Variants in PDE4D observed in about 807,000 individuals in gnomAD.
PDE4D encodes 3',5'-cyclic-AMP phosphodiesterase 4D.
In PDE4D, 24 loss-of-function variants were observed where a neutral mutation model predicts 87.4. The observed-to-expected ratio is 0.27, with a 90% confidence interval of 0.20 to 0.39. The LOEUF (loss-of-function observed/expected upper bound fraction) is 0.39. Among genes scored for constraint, PDE4D ranks in the 10% least tolerant of loss-of-function variants. PDE4D has a pLI of 1.00. For synonymous variants in PDE4D, 384 were observed against 383.2 expected (o/e 1.00, Z -0.02); for missense variants, 714 against 1,041.0 (o/e 0.69, Z 4.32).
intron 3 of PDE4D, among the ~76,000 whole-genome samples, chr5:59,186,899 G>A (rs1743046725): frequency 6.6e-6 from 1 of 152,154 alleles, no homozygotes. Flanking sequence ...CTTGAATGAT[G>A]CAGAAGTAAA....
intron 1 of PDE4D, among the ~76,000 whole-genome samples, chr5:60,387,206 A>G (rs1180638959): frequency 6.6e-6 from 1 of 152,262 alleles, no homozygotes; most frequent in Admixed American, 6.5e-5. Flanking sequence ...CGTCCTGCTC[A>G]TAAGTCAGGT....
intron 2 of PDE4D, among the ~76,000 whole-genome samples, chr5:60,181,892 C>G (rs754046287): frequency 6.6e-6 from 1 of 152,056 alleles, no homozygotes; most frequent in Non-Finnish European, 1.5e-5. Context: ...TACTTTAACT[C>G]CTGATTTTAA....
At chr5:59,537,213 A>G (rs1583030182) in intron 1 of PDE4D, among the ~76,000 whole-genome samples, 1 of 152,328 alleles carries the variant, frequency 6.6e-6, no homozygotes, top group East Asian at 1.9e-4. Flanking sequence ...CCATAAAACA[A>G]GCTTTGACAG....
chr5:59,165,676 T>C (rs147809614), intron 5 of PDE4D, among the ~76,000 whole-genome samples: 15 of 152,308 alleles, frequency 9.8e-5, no homozygotes, highest in African/African-American at 3.4e-4. Flanking sequence ...CTCTGGAAGG[T>C]TAAATGAATT....
chr5:59,449,181 C>T (rs1479256551), intron 1 of PDE4D, among the ~76,000 whole-genome samples: 5 of 152,212 alleles, frequency 3.3e-5, no homozygotes, highest in Admixed American at 3.3e-4. Flanking sequence ...CCAGCATCTT[C>T]CTGAGTTACC....
At chr5:59,477,888 G>T (rs1221038201) in intron 1 of PDE4D, among the ~76,000 whole-genome samples, 1 of 152,086 alleles carries the variant, frequency 6.6e-6, no homozygotes, top group Non-Finnish European at 1.5e-5. Flanking sequence ...CATGTCCTCT[G>T]CAGCAACATG....
chr5:60,457,432 T>C (rs1227284124), intron 1 of PDE4D, among the ~76,000 whole-genome samples: 2 of 152,200 alleles, frequency 1.3e-5, no homozygotes, highest in East Asian at 1.9e-4. Context: ...TGCTTCCTCA[T>C]GTTTCCTGTC....
intron 1 of PDE4D, among the ~76,000 whole-genome samples, chr5:59,814,366 T>C (rs1475826950): frequency 1.3e-5 from 2 of 152,180 alleles, no homozygotes; most frequent in Non-Finnish European, 2.9e-5. Context: ...GGCTGACCCC[T>C]GCATGCTATC....
intron 1 of PDE4D, among the ~76,000 whole-genome samples, chr5:59,270,967 T>C (rs914264553): frequency 7.9e-5 from 12 of 152,204 alleles, no homozygotes; most frequent in Non-Finnish European, 1.6e-4. Context: ...ATAATATATA[T>C]GTAAAATTCT....
intron 1 of PDE4D, among the ~76,000 whole-genome samples, chr5:60,459,332 C>G (rs2150168018): frequency 6.6e-6 from 1 of 152,204 alleles, no homozygotes; most frequent in South Asian, 2.1e-4. Context: ...CTTAACCTAC[C>G]CAAACATCTC....
At chr5:60,345,693 T>A (rs1758697870) in intron 1 of PDE4D, among the ~76,000 whole-genome samples, 1 of 152,074 alleles carries the variant, frequency 6.6e-6, no homozygotes, top group Non-Finnish European at 1.5e-5. Flanking sequence ...TATTTATACC[T>A]CTACTTGAAT....
intron 1 of PDE4D, among the ~76,000 whole-genome samples, chr5:59,730,091 T>C (rs1437519685): frequency 3.3e-5 from 5 of 152,050 alleles, no homozygotes; most frequent in African/African-American, 1.2e-4. Flanking sequence ...ATACTTAGGG[T>C]GAACCTTGCT....
intron 3 of PDE4D, among the ~76,000 whole-genome samples, chr5:59,908,189 C>T (rs1344796644): frequency 2.0e-5 from 3 of 151,968 alleles, no homozygotes; most frequent in Admixed American, 1.3e-4. Flanking sequence ...ATTTCCAGTT[C>T]CTAATTTGAG....
chr5:59,634,852 C>T (rs112278884), intron 1 of PDE4D, among the ~76,000 whole-genome samples: 2,048 of 152,118 alleles, frequency 0.013, 45 homozygotes, highest in African/African-American at 0.045. Context: ...CAAACACATT[C>T]AAAAGCCAGC....
intron 1 of PDE4D, among the ~76,000 whole-genome samples, chr5:60,441,568 A>G (rs1290185927): frequency 2.6e-5 from 4 of 152,232 alleles, no homozygotes; most frequent in Non-Finnish European, 5.9e-5. Flanking sequence ...AATGGCAACA[A>G]AAGCCAAAAT....
chr5:59,083,426 C>A (rs1420944028), intron 5 of PDE4D, among the ~76,000 whole-genome samples: 3 of 151,978 alleles, frequency 2.0e-5, no homozygotes, highest in Non-Finnish European at 4.4e-5. Flanking sequence ...TTTCCCACAT[C>A]CTTTCCCATT....
chr5:59,965,647 C>T (rs957688288), intron 3 of PDE4D, among the ~76,000 whole-genome samples: 1 of 152,184 alleles, frequency 6.6e-6, no homozygotes, highest in African/African-American at 2.4e-5. Context: ...TTGGCCCCCT[C>T]CCTGCCACAA....
intron 1 of PDE4D, among the ~76,000 whole-genome samples, chr5:59,375,199 G>T (rs1298145216): frequency 6.6e-6 from 1 of 152,118 alleles, no homozygotes; most frequent in Non-Finnish European, 1.5e-5. Flanking sequence ...CTGAACTGAA[G>T]AATATTGAGA....
chr5:60,027,636 C>T (rs1268206852), intron 2 of PDE4D, among the ~76,000 whole-genome samples: 1 of 152,198 alleles, frequency 6.6e-6, no homozygotes, highest in Non-Finnish European at 1.5e-5. Context: ...AGCGTCATCA[C>T]AGGCTTTGCC....
Sources: gnomAD v4.1 joint callset for allele counts (sites outside exome capture counted in the v4.1 genomes callset) on GRCh38, gnomAD v4.1.1 for gene constraint, MANE v1.5 for transcripts, NCBI Gene and HGNC (gene_info 2026-07-23, HGNC 2026-07-21) for gene names.